ADGRG2: variants seen among roughly 807,000 people sequenced by gnomAD.
The protein encoded by ADGRG2 is adhesion G protein-coupled receptor G2.
ADGRG2 carries 26 observed loss-of-function variants against 74.1 expected under a neutral mutation model. The observed-to-expected ratio is 0.35, with a 90% confidence interval of 0.26 to 0.49. The LOEUF (loss-of-function observed/expected upper bound fraction) is 0.49. Ranked by LOEUF, ADGRG2 falls within the 20% of genes least tolerant of loss-of-function variation. The pLI is 0.99. For missense variants in ADGRG2, 619 were observed against 763.1 expected (o/e 0.81, Z 2.22); for synonymous variants, 296 against 295.2 (o/e 1.00, Z -0.03).
At chrX:19,053,816 G>A (rs1271673257) in intron 3 of ADGRG2, among the ~76,000 whole-genome samples, 1 of 111,657 alleles carries the variant, frequency 9.0e-6, no homozygotes, top group African/African-American at 3.3e-5. Flanking sequence ...CATGGCTGGG[G>A]AGGCCTCACA....
intron 20 of ADGRG2, among the ~76,000 whole-genome samples, chrX:19,006,753 A>AT (rs35276629): frequency 0.1 from 8,431 of 81,720 alleles, 1,457 homozygotes; most frequent in African/African-American, 0.4. Flanking sequence ...TAGGTGGTCA[A>AT]TTTTTTTTTT....
At position 19,035,935 on chromosome X, in the gene ADGRG2, A is replaced by C. The variant is rs2060929974; in HGVS notation, c.262+7T>G. The C allele has an allele frequency of 1.0e-6, 1 of 954,125 alleles. No homozygotes were observed. Among genetic ancestry groups the C allele is most frequent in the Non-Finnish European group, 1.5e-6 (1 of 673,962 alleles). The allele number at this position is 954,125 out of a possible 1,213,427, so 78.6% of individuals were successfully genotyped here. A position where few individuals can be genotyped will look rare whatever the true frequency, so the allele number is the denominator to read the frequency against. Reference sequence around the variant, plus strand: ...AGCTATTACATTTAGAAATCACTTGATATTACCTGTTTCGTTTGAAGGGAG... The same window carrying C: ...AGCTATTACATTTAGAAATCACTTGCTATTACCTGTTTCGTTTGAAGGGAG... On this transcript the variant is annotated splice_region_variant and intron_variant, in intron 7 of 28. Coordinates refer to ENST00000379869, the MANE Select transcript of ADGRG2 (RefSeq NM_001079858.3).
intron 2 of ADGRG2, among the ~76,000 whole-genome samples, chrX:19,070,155 CCTT>C (rs775026994): frequency 8.9e-6 from 1 of 112,558 alleles, no homozygotes; most frequent in East Asian, 2.8e-4. Flanking sequence ...GCGAGCCACT[CCTT>C]CATGAATCCC....
At chrX:19,003,331 T>A (rs2060168079) in intron 23 of ADGRG2, among the ~76,000 whole-genome samples, 1 of 110,394 alleles carries the variant, frequency 9.1e-6, no homozygotes, top group African/African-American at 3.3e-5. Flanking sequence ...CACCCTTATT[T>A]TTTTTGTAGA....
chrX:19,101,706 A>G (rs1258192384), intron 1 of ADGRG2, among the ~76,000 whole-genome samples: 1 of 110,544 alleles, frequency 9.0e-6, no homozygotes, highest in African/African-American at 3.3e-5. Context: ...ATCTCAAAAA[A>G]AAAAAGAAAT....
chrX:19,047,507 A>C (rs5909105), intron 3 of ADGRG2, among the ~76,000 whole-genome samples: 54,279 of 111,152 alleles, frequency 0.49, 11,448 homozygotes, highest in Non-Finnish European at 0.66. Context: ...TACTACTATG[A>C]GTATTTACTT....
chrX:19,115,451 C>T lies in ADGRG2; in HGVS notation c.-47+6991G>A, dbSNP rs149340813. Among the ~76,000 whole-genome samples, 546 of 111,874 alleles carry T rather than the reference C, an allele frequency of 4.9e-3. 4 individuals carry two copies. Among genetic ancestry groups the T allele is most frequent in the African/African-American group, 0.017 (514 of 30,832 alleles). On this transcript the variant is annotated intron_variant, in intron 1 of 28. Coordinates refer to ENST00000379869, the MANE Select transcript of ADGRG2 (RefSeq NM_001079858.3). ...CAAAAGTGGGATAAGGGAATGGACCCTTCCTGTGGTAAGTGGGGAGTACGG... is the reference window on the plus strand; with the variant it reads ...CAAAAGTGGGATAAGGGAATGGACCTTTCCTGTGGTAAGTGGGGAGTACGG...
At chrX:19,015,643 C>T (rs1003649025) in intron 15 of ADGRG2, among the ~76,000 whole-genome samples, 3 of 112,092 alleles carry the variant, frequency 2.7e-5, no homozygotes, top group East Asian at 2.8e-4. Context: ...CACTTGAACC[C>T]GGGTAGCGGA....
At chrX:19,096,947 G>A (rs926180152) in intron 1 of ADGRG2, among the ~76,000 whole-genome samples, 6 of 112,227 alleles carry the variant, frequency 5.3e-5, no homozygotes, top group Non-Finnish European at 9.4e-5. Context: ...AACTGCTTCC[G>A]GGCACCAGGC....
chrX:19,048,547 G>A (rs2061242673), intron 3 of ADGRG2, among the ~76,000 whole-genome samples: 1 of 111,954 alleles, frequency 8.9e-6, no homozygotes, highest in Non-Finnish European at 1.9e-5. Flanking sequence ...GTGGGCTGAA[G>A]AGAAGGAAGG....
At chrX:19,029,616 G>A (rs920768521) in intron 9 of ADGRG2, among the ~76,000 whole-genome samples, 1 of 111,042 alleles carries the variant, frequency 9.0e-6, no homozygotes, top group Non-Finnish European at 1.9e-5. Context: ...TAAAACAAAC[G>A]GTCAATTCAG....
chrX:19,047,482 C>T (rs1051565939), intron 3 of ADGRG2, among the ~76,000 whole-genome samples: 1 of 112,176 alleles, frequency 8.9e-6, no homozygotes, highest in African/African-American at 3.2e-5. Context: ...GGTTGTCTTA[C>T]ACCTATGATT....
At chrX:19,059,921 C>A (rs2061462389) in intron 3 of ADGRG2, among the ~76,000 whole-genome samples, 1 of 111,076 alleles carries the variant, frequency 9.0e-6, no homozygotes, top group Non-Finnish European at 1.9e-5. Context: ...CACCTGAGGT[C>A]AAGAGTTTGA....
chrX:19,103,613 C>A (rs1159224981), intron 1 of ADGRG2, among the ~76,000 whole-genome samples: 5 of 111,586 alleles, frequency 4.5e-5, no homozygotes, highest in African/African-American at 1.6e-4. Context: ...AGTCACCTAG[C>A]CATCCACCCT....
At chrX:19,013,374 C>G (rs1002372798) in intron 16 of ADGRG2, among the ~76,000 whole-genome samples, 12 of 111,700 alleles carry the variant, frequency 1.1e-4, no homozygotes, top group African/African-American at 3.3e-4. Flanking sequence ...TTATCTTGGT[C>G]AAAACAATGG....
At chrX:19,110,463 C>A (rs1551598) in intron 1 of ADGRG2, among the ~76,000 whole-genome samples, 28,545 of 109,041 alleles carry the variant, frequency 0.26, 5,355 homozygotes, top group African/African-American at 0.67. Context: ...CGGGTGGATC[C>A]CTTGAGGCCA....
chrX:19,003,009 C>G lies in ADGRG2; in HGVS notation c.2067G>C (p.Lys689Asn). Reference protein sequence around the residue: ...FLLDSWIALYKMQGLCISVAV... With the variant: ...FLLDSWIALYNMQGLCISVAV... ...CCACTGAGATGCAGAGGCCTTGCAT[C>G]TTATACAGAGCAATCCACGAGTCCA... The change falls in exon 24 of 29, where the codon AAG becomes AAC. Residue 689 changes from lysine to asparagine, a missense_variant. Physicochemically the swap from Lys to Asn is moderately conservative, Grantham distance 94. Transcript: ENST00000379869. 1 of 1,206,550 alleles carries G rather than the reference C, an allele frequency of 8.3e-7. No individual in the cohort carries two copies. The highest frequency in any genetic ancestry group is 1.1e-6 in the Non-Finnish European group (1 of 890,826).
At chrX:19,096,671 G>A (rs899923461) in intron 1 of ADGRG2, among the ~76,000 whole-genome samples, 1 of 111,492 alleles carries the variant, frequency 9.0e-6, no homozygotes, top group Admixed American at 9.5e-5. Context: ...GGAGGTGTAG[G>A]GAGGTGGTGA....
chrX:19,037,017 AT>A (rs960807830), intron 6 of ADGRG2, among the ~76,000 whole-genome samples: 3 of 111,266 alleles, frequency 2.7e-5, no homozygotes, highest in African/African-American at 6.5e-5. Flanking sequence ...TAGGGAAGCC[AT>A]TTTTTTCCCA....
Sources: gnomAD v4.1 joint callset for allele counts (sites outside exome capture counted in the v4.1 genomes callset) on GRCh38, gnomAD v4.1.1 for gene constraint, MANE v1.5 for transcripts, NCBI Gene and HGNC (gene_info 2026-07-23, HGNC 2026-07-21) for gene names.